The following C12orf50 variants were observed in gnomAD, a reference collection of about 807,000 sequenced individuals.
The protein encoded by C12orf50 is zinc finger CCCH-type containing 11D.
In C12orf50, 35 loss-of-function variants were observed where a neutral mutation model predicts 61.6. That is an observed-to-expected ratio of 0.57 (90% CI 0.43 to 0.75). C12orf50 has a LOEUF of 0.75. Among genes scored for constraint, C12orf50 ranks in the 30% least tolerant of loss-of-function variants. C12orf50 has a pLI of 0.00. For synonymous variants in C12orf50, 178 were observed against 161.5 expected, an observed-to-expected ratio of 1.10 and a Z score of -0.77; for missense variants, 475 against 488.5, an observed-to-expected ratio of 0.97 and a Z score of 0.26.
chr12:88,009,315 T>C (rs528824741), intron 3 of C12orf50, among the ~76,000 whole-genome samples: 28 of 152,250 alleles, frequency 1.8e-4, no homozygotes, highest in African/African-American at 6.7e-4. Context: ...CAAGAATTGA[T>C]AGAATTTTTG....
chr12:88,024,490 G>A (rs2032630980), intron 3 of C12orf50, among the ~76,000 whole-genome samples: 1 of 152,232 alleles, frequency 6.6e-6, no homozygotes, highest in East Asian at 1.9e-4. Context: ...AACATTGATG[G>A]AGCTGGAGGC....
intron 3 of C12orf50, among the ~76,000 whole-genome samples, chr12:88,008,239 C>A (rs1419988980): frequency 6.6e-6 from 1 of 152,094 alleles, no homozygotes; most frequent in African/African-American, 2.4e-5. Flanking sequence ...CTGGTAGACC[C>A]CAGTGTGTGT....
chr12:88,018,013 G>C (rs1391786108), intron 3 of C12orf50, among the ~76,000 whole-genome samples: 1 of 152,230 alleles, frequency 6.6e-6, no homozygotes, highest in Non-Finnish European at 1.5e-5. Context: ...CCTATTTTCT[G>C]AGGGGAAATT....
Position 87,983,136 on chromosome 12 carries a change from T to C in C12orf50, c.1186A>G (p.Lys396Glu). ...SAWRKRIPFS[K>E]TYSKSEKIYP... ...ATCTTTTCACTTTTTGAATATGTTTTTGAAAAAGGAATTCGTTTTCGCCAG... is the reference window on the plus strand; with the variant it reads ...ATCTTTTCACTTTTTGAATATGTTTCTGAAAAAGGAATTCGTTTTCGCCAG... Residue 396 changes from lysine to glutamate, a missense_variant, in exon 12 of 13, where the codon AAA becomes GAA. Lys to Glu is a moderately conservative substitution (Grantham distance 56). Coordinates refer to ENST00000298699, the MANE Select transcript of C12orf50 (RefSeq NM_152589.3). 6.2e-7 allele frequency: 1 copy of C among 1,604,094 alleles called. No individual in the cohort carries two copies. The highest frequency in any genetic ancestry group is 8.5e-7 in the Non-Finnish European group (1 of 1,172,908).
At position 87,996,581 on chromosome 12, in the gene C12orf50, A is replaced by G. The variant is rs777230210; in HGVS notation, c.355T>C (p.Cys119Arg). ...IEEKRAIKEM[C>R]YKSGEYYRFH... ...TTTGATTTCTTACCAGATTTATAAC[A>G]CATCTCCTTTATTGCTCTTTTTTCT... Residue 119 changes from cysteine (C) to arginine (R), a missense_variant, in exon 5 of 13, where the codon TGT becomes CGT. Physicochemically the swap from Cys to Arg is radical, Grantham distance 180. Transcript: ENST00000298699. 2 of 1,608,760 alleles carry G rather than the reference A, an allele frequency of 1.2e-6. No individual in the cohort carries two copies. The highest frequency in any genetic ancestry group is 1.7e-6 in the Non-Finnish European group (2 of 1,175,624).
chr12:87,988,602 TG>T (rs1313516788), intron 8 of C12orf50, among the ~76,000 whole-genome samples: 1 of 152,156 alleles, frequency 6.6e-6, no homozygotes, highest in Admixed American at 6.6e-5. Flanking sequence ...ACTGAGAAAA[TG>T]AGAGAAAGAT....
At chr12:88,019,933 G>A (rs890837453) in intron 3 of C12orf50, among the ~76,000 whole-genome samples, 7 of 152,056 alleles carry the variant, frequency 4.6e-5, no homozygotes, top group Admixed American at 4.6e-4. Context: ...TCACATCCAG[G>A]CAAACTAAAC....
intron 3 of C12orf50, among the ~76,000 whole-genome samples, chr12:88,021,697 GAC>G (rs1270185690): frequency 5.3e-5 from 8 of 151,718 alleles, no homozygotes; most frequent in Non-Finnish European, 1.0e-4. Context: ...AAACCTATCA[GAC>G]ACTACTATAA....
intron 3 of C12orf50, among the ~76,000 whole-genome samples, chr12:88,004,120 A>G (rs2031760649): frequency 7.0e-6 from 1 of 143,746 alleles, no homozygotes; most frequent in Non-Finnish European, 1.5e-5. Flanking sequence ...GTTTTTTCGT[A>G]GTTTTTACCC....
chr12:87,988,235 A>G (rs966825501), intron 8 of C12orf50, among the ~76,000 whole-genome samples: 3 of 152,162 alleles, frequency 2.0e-5, no homozygotes, highest in African/African-American at 4.8e-5. Flanking sequence ...TACTATCTCC[A>G]TACAAAAGAT....
At chr12:88,022,760 C>T (rs1346737970) in intron 3 of C12orf50, among the ~76,000 whole-genome samples, 2 of 151,952 alleles carry the variant, frequency 1.3e-5, no homozygotes, top group Non-Finnish European at 2.9e-5. Flanking sequence ...TAATAACTGC[C>T]ACAAAAAGAA....
At chr12:88,013,254 T>C (rs1399689405) in intron 3 of C12orf50, among the ~76,000 whole-genome samples, 1 of 152,178 alleles carries the variant, frequency 6.6e-6, no homozygotes, top group East Asian at 1.9e-4. Flanking sequence ...TACCCAACAC[T>C]TGGTCCCAAG....
At chr12:88,016,090 A>G (rs763198608) in intron 3 of C12orf50, among the ~76,000 whole-genome samples, 1 of 152,094 alleles carries the variant, frequency 6.6e-6, no homozygotes, top group Non-Finnish European at 1.5e-5. Flanking sequence ...CAACTCATCT[A>G]CTTAATATGG....
chr12:87,983,228 AT>A, intron 11 of C12orf50, 33 bp from the exon 12 acceptor site: 1 of 1,417,354 alleles, frequency 7.1e-7, no homozygotes, highest in Non-Finnish European at 9.8e-7. Flanking sequence ...TAAATATTTT[AT>A]AACTTTAAAA....
chr12:87,985,662 CT>C lies in C12orf50; in HGVS notation c.1126+187del, dbSNP rs2030770904. ...GTCATCTGCACACAACATGAGTTTTCTTCCATATCCTTTAAATCATGTGCAG... is the reference window on the plus strand; with the variant it reads ...GTCATCTGCACACAACATGAGTTTTCTCCATATCCTTTAAATCATGTGCAG... On this transcript the variant is annotated intron_variant, in intron 11 of 12. Coordinates refer to ENST00000298699, the MANE Select transcript of C12orf50 (RefSeq NM_152589.3). 4.7e-6 allele frequency: 3 copies of C among 636,938 alleles called. No homozygotes were observed. The Admixed American group carries it at 8.8e-5, about 19-fold the overall frequency. 39.5% of individuals were successfully genotyped at this position (636,938 alleles called of 1,614,324 possible).
chr12:87,983,394 T>C (rs1202776691), intron 11 of C12orf50, 199 bp from the exon 12 acceptor site: 1 of 349,280 alleles, frequency 2.9e-6, no homozygotes, highest in African/African-American at 2.1e-5. Context: ...TTTTTTGTTT[T>C]TTTTATTATT....
intron 3 of C12orf50, among the ~76,000 whole-genome samples, chr12:88,008,042 A>T (rs2031952835): frequency 6.6e-6 from 1 of 152,012 alleles, no homozygotes; most frequent in Admixed American, 6.6e-5. Flanking sequence ...ATGTGAAGAA[A>T]GTTAAACAGC....
At chr12:88,005,736 T>A (rs1028152022) in intron 3 of C12orf50, among the ~76,000 whole-genome samples, 3 of 151,072 alleles carry the variant, frequency 2.0e-5, no homozygotes, top group African/African-American at 7.3e-5. Flanking sequence ...GCCTCCCCGG[T>A]TCAAGCGAGA....
intron 3 of C12orf50, among the ~76,000 whole-genome samples, chr12:88,024,289 C>G (rs2032623012): frequency 6.6e-6 from 1 of 152,090 alleles, no homozygotes; most frequent in East Asian, 1.9e-4. Context: ...TATATACACA[C>G]AGGAATATAA....
Sources: gnomAD v4.1 joint callset for allele counts (sites outside exome capture counted in the v4.1 genomes callset) on GRCh38, gnomAD v4.1.1 for gene constraint, MANE v1.5 for transcripts, NCBI Gene and HGNC (gene_info 2026-07-23, HGNC 2026-07-21) for gene names.